Variants in LRRC3B observed in about 807,000 individuals in gnomAD.
LRRC3B encodes leucine-rich repeat-containing protein 3B.
A neutral mutation model predicts 12.8 loss-of-function variants in LRRC3B; 2 were observed. The observed-to-expected ratio is 0.16, with a 90% CI of 0.06 to 0.49. The LOEUF (loss-of-function observed/expected upper bound fraction) is 0.49, where lower values mean the gene tolerates loss of function less well. LRRC3B is among the 20% of genes least tolerant of loss of function. The pLI, the probability that LRRC3B is intolerant of heterozygous loss-of-function variation, is 0.96. For missense variants in LRRC3B, 189 were observed against 319.4 expected (o/e 0.59, Z 3.11); for synonymous variants, 132 against 122.0 (o/e 1.08, Z -0.54).
chr3:26,626,227 C>G (rs1185055015), intron 1 of LRRC3B, among the ~76,000 whole-genome samples: 2 of 152,192 alleles, frequency 1.3e-5, no homozygotes, highest in African/African-American at 4.8e-5. Context: ...GGAGAACTGG[C>G]TACTGGTAAT....
chr3:26,675,631 C>CTGTT (rs1052096822), intron 1 of LRRC3B, among the ~76,000 whole-genome samples: 39 of 152,262 alleles, frequency 2.6e-4, no homozygotes, highest in African/African-American at 8.7e-4. Flanking sequence ...GAATAACCAA[C>CTGTT]TGTTTTTCTT....
intron 1 of LRRC3B, among the ~76,000 whole-genome samples, chr3:26,687,340 T>TA (rs1700108018): frequency 6.6e-6 from 1 of 152,230 alleles, no homozygotes; most frequent in Non-Finnish European, 1.5e-5. Flanking sequence ...CCTCTTTATT[T>TA]AAAATTTTTG....
intron 1 of LRRC3B, among the ~76,000 whole-genome samples, chr3:26,671,400 A>AGAGAGAGAGAGAGAGAGAGAGG (rs1205520032): frequency 1.0e-4 from 13 of 126,968 alleles, no homozygotes; most frequent in African/African-American, 3.1e-4. Context: ...AGAGAGAGAG[A>AGAGAGAGAGAGAGAGAGAGAGG]GAGAGAGAGA....
At chr3:26,648,596 C>T (rs1699201048) in intron 1 of LRRC3B, among the ~76,000 whole-genome samples, 1 of 152,174 alleles carries the variant, frequency 6.6e-6, no homozygotes, top group Non-Finnish European at 1.5e-5. Context: ...GTCTGTGTTT[C>T]TCCTGTCCCC....
intron 1 of LRRC3B, among the ~76,000 whole-genome samples, chr3:26,647,959 G>A (rs1424073128): frequency 6.6e-6 from 1 of 152,196 alleles, no homozygotes; most frequent in East Asian, 1.9e-4. Context: ...AATCTATGCA[G>A]AGGAGAGTTC....
chr3:26,637,024 A>G (rs2125405133), intron 1 of LRRC3B, among the ~76,000 whole-genome samples: 1 of 120,000 alleles, frequency 8.3e-6, no homozygotes, highest in Middle Eastern at 4.9e-3. Context: ...TTTGAGACGG[A>G]GTCTAACTGT....
chr3:26,644,648 C>G (rs1285289739), intron 1 of LRRC3B, among the ~76,000 whole-genome samples: 1 of 151,866 alleles, frequency 6.6e-6, no homozygotes, highest in African/African-American at 2.4e-5. Context: ...ATAATGGAAC[C>G]CTGGATTAAA....
At chr3:26,635,770 A>T (rs1405843413) in intron 1 of LRRC3B, among the ~76,000 whole-genome samples, 1 of 152,232 alleles carries the variant, frequency 6.6e-6, no homozygotes, top group Admixed American at 6.5e-5. Flanking sequence ...TCGCTTTTGC[A>T]TCTGTGTATA....
intron 1 of LRRC3B, among the ~76,000 whole-genome samples, chr3:26,642,539 C>T (rs1490094477): frequency 6.6e-6 from 1 of 152,172 alleles, no homozygotes; most frequent in Non-Finnish European, 1.5e-5. Context: ...CTGAGAATGA[C>T]TTGGCCAAAT....
intron 1 of LRRC3B, among the ~76,000 whole-genome samples, chr3:26,703,790 CAT>C (rs1189235542): frequency 6.6e-6 from 1 of 151,656 alleles, no homozygotes; most frequent in Admixed American, 6.6e-5. Context: ...CATCATGAAA[CAT>C]GTACTGCTTT....
At chr3:26,670,023 A>G (rs544443515) in intron 1 of LRRC3B, among the ~76,000 whole-genome samples, 2 of 152,274 alleles carry the variant, frequency 1.3e-5, no homozygotes, top group East Asian at 3.9e-4. Flanking sequence ...ACTTATTGGT[A>G]TTAATATTCC....
At chr3:26,654,764 A>G (rs1699336289) in intron 1 of LRRC3B, among the ~76,000 whole-genome samples, 1 of 152,170 alleles carries the variant, frequency 6.6e-6, no homozygotes, top group Admixed American at 6.6e-5. Context: ...CTTATATGCC[A>G]TTTCATAGGC....
chr3:26,699,381 T>G (rs1700398424), intron 1 of LRRC3B, among the ~76,000 whole-genome samples: 1 of 152,132 alleles, frequency 6.6e-6, no homozygotes, highest in Non-Finnish European at 1.5e-5. Context: ...AGGTGGATAT[T>G]ATTGATCATA....
chr3:26,657,548 T>C (rs1024057097), intron 1 of LRRC3B, among the ~76,000 whole-genome samples: 8 of 152,206 alleles, frequency 5.3e-5, no homozygotes, highest in Non-Finnish European at 1.2e-4. Flanking sequence ...AACTTTCTTA[T>C]TTGCTAAGTC....
chr3:26,686,860 G>T (rs1198453033), intron 1 of LRRC3B, among the ~76,000 whole-genome samples: 1 of 152,158 alleles, frequency 6.6e-6, no homozygotes, highest in African/African-American at 2.4e-5. Flanking sequence ...GATCTAGACT[G>T]GTCCTTCAGA....
intron 1 of LRRC3B, among the ~76,000 whole-genome samples, chr3:26,654,947 A>C (rs540112337): frequency 6.6e-6 from 1 of 152,258 alleles, no homozygotes; most frequent in African/African-American, 2.4e-5. Flanking sequence ...CATCTTCATA[A>C]TTTTTGAATA....
At chr3:26,656,230 T>C (rs1468317125) in intron 1 of LRRC3B, among the ~76,000 whole-genome samples, 1 of 152,174 alleles carries the variant, frequency 6.6e-6, no homozygotes, top group African/African-American at 2.4e-5. Context: ...CGCAGGATGG[T>C]TGCATATTGC....
intron 1 of LRRC3B, among the ~76,000 whole-genome samples, chr3:26,629,990 AATC>A: frequency 6.8e-6 from 1 of 146,582 alleles, no homozygotes; most frequent in Admixed American, 6.7e-5. Context: ...AAAAAAAAAA[AATC>A]TATCCAAAGG....
intron 1 of LRRC3B, among the ~76,000 whole-genome samples, chr3:26,691,097 G>GTA (rs1270727731): frequency 3.8e-5 from 2 of 52,582 alleles, no homozygotes; most frequent in African/African-American, 1.4e-4. Context: ...GTATATGTGT[G>GTA]TGTGTGTGTA....
Sources: allele counts gnomAD v4.1 joint callset (sites outside exome capture counted in the v4.1 genomes callset), GRCh38; gene constraint gnomAD v4.1.1; transcripts MANE v1.5; gene names NCBI Gene and HGNC (gene_info 2026-07-23, HGNC 2026-07-21).